ARNT2: variants seen among roughly 807,000 people sequenced by gnomAD.
The protein encoded by ARNT2 is ARNT protein 2.
ARNT2 carries 36 observed loss-of-function variants against 91.7 expected under a neutral mutation model. The ratio of observed to expected loss-of-function variants is 0.39; its 90% CI spans 0.30 to 0.52. ARNT2 has a LOEUF of 0.52. Ranked by LOEUF, ARNT2 falls within the 20% of genes least tolerant of loss-of-function variation. The pLI is 0.72. For missense variants in ARNT2, 775 were observed against 939.3 expected (o/e 0.83, Z 2.29); for synonymous variants, 365 against 347.1 (o/e 1.05, Z -0.57).
At chr15:80,540,244 A>G (rs1897885167) in intron 8 of ARNT2, among the ~76,000 whole-genome samples, 1 of 152,188 alleles carries the variant, frequency 6.6e-6, no homozygotes, top group South Asian at 2.1e-4. Context: ...CTGTTTTCTG[A>G]ATAGTCGCAC....
chr15:80,552,587 C>T, intron 9 of ARNT2, 53 bp from the exon 10 acceptor site: 3 of 1,588,410 alleles, frequency 1.9e-6, no homozygotes, highest in Non-Finnish European at 2.6e-6. Context: ...CTGTCACCAT[C>T]TCCATCTCGT....
At chr15:80,581,210 T>C (rs1288017738) in intron 16 of ARNT2, 29 bp from the exon 17 acceptor site, 15 of 1,611,354 alleles carry the variant, frequency 9.3e-6, no homozygotes, top group Admixed American at 3.3e-5. Flanking sequence ...GGTGATGCTT[T>C]CCATCTCTTT....
intron 8 of ARNT2, among the ~76,000 whole-genome samples, chr15:80,517,120 C>G (rs1897449112): frequency 6.6e-6 from 1 of 151,842 alleles, no homozygotes; most frequent in African/African-American, 2.4e-5. Context: ...TTTAGTATTT[C>G]TTACAGGGCA....
intron 8 of ARNT2, among the ~76,000 whole-genome samples, chr15:80,547,059 C>G (rs997466411): frequency 1.3e-4 from 19 of 151,874 alleles, no homozygotes; most frequent in Non-Finnish European, 2.8e-4. Context: ...AGGTATAAAA[C>G]TCTGGGGAAT....
rs1287341487 is a variant in ARNT2 at position 80,591,358 on chromosome 15, C to T, written c.1919-210C>T. ...CATCCTCTCTGGCCAAGTACCTGCACCATTGGGCAAAGGGCTCCTGTGTCT... is the reference window on the plus strand; with the variant it reads ...CATCCTCTCTGGCCAAGTACCTGCATCATTGGGCAAAGGGCTCCTGTGTCT... On this transcript the variant is annotated intron_variant, in intron 17 of 18. Coordinates refer to ENST00000303329, the MANE Select transcript of ARNT2 (RefSeq NM_014862.4). The surrounding 1 kb of genome is among the most constrained non-coding windows in gnomAD (Gnocchi z 5.1). Among the ~76,000 whole-genome samples, 1 of 152,170 alleles carries T rather than the reference C, an allele frequency of 6.6e-6. No individual in the cohort carries two copies. Among genetic ancestry groups the T allele is most frequent in the Non-Finnish European group, 1.5e-5 (1 of 68,038 alleles).
chr15:80,485,956 G>A (rs865974417), intron 5 of ARNT2, among the ~76,000 whole-genome samples: 4 of 152,136 alleles, frequency 2.6e-5, no homozygotes, highest in African/African-American at 9.7e-5. Context: ...TAAAACAATG[G>A]GAATGTGTTA....
chr15:80,443,192 T>C (rs2141579644), intron 1 of ARNT2, among the ~76,000 whole-genome samples: 1 of 152,294 alleles, frequency 6.6e-6, no homozygotes, highest in East Asian at 1.9e-4. Flanking sequence ...GGACATAGCA[T>C]ATGCAAAGGT....
rs56726705 is a variant in ARNT2, at chr15:80,518,277, C to CTTTTTTTT, written c.877+3887_877+3894dup. Reference sequence around the variant, plus strand: ...CCGAAGAACTTTTTCTTTTTCTATTCTTTTTTTTTTTTTTTTTTTTTTGAG... The same window carrying CTTTTTTTT: ...CCGAAGAACTTTTTCTTTTTCTATTCTTTTTTTTTTTTTTTTTTTTTTTTTTTTTTGAG... On this transcript the variant is annotated intron_variant, in intron 8 of 18. Transcript: ENST00000303329. Among the ~76,000 whole-genome samples the CTTTTTTTT allele has an allele frequency of 1.3e-3, 112 of 89,368 alleles. 1 individual carries two copies. Among genetic ancestry groups the CTTTTTTTT allele is most frequent in the Middle Eastern group, 0.012 (1 of 84 alleles). 58.6% of individuals were successfully genotyped at this position (89,368 alleles called of 152,430 possible).
chr15:80,472,399 A>G (rs1042166975), intron 4 of ARNT2, among the ~76,000 whole-genome samples: 9 of 152,208 alleles, frequency 5.9e-5, no homozygotes, highest in African/African-American at 2.2e-4. Context: ...GCAGGAATGA[A>G]AAAGATTTTG....
At chr15:80,422,585 C>T (rs1386217427) in intron 1 of ARNT2, among the ~76,000 whole-genome samples, 2 of 152,146 alleles carry the variant, frequency 1.3e-5, no homozygotes, top group East Asian at 1.9e-4. Flanking sequence ...AGTAAGTGAC[C>T]GCAAATGGAA....
chr15:80,492,758 G>C (rs1897075227), intron 5 of ARNT2, among the ~76,000 whole-genome samples: 2 of 152,072 alleles, frequency 1.3e-5, no homozygotes, highest in Admixed American at 1.3e-4. Context: ...TTAATTCATT[G>C]ATTCAGTTTT....
chr15:80,495,462 A>G (rs1038707612), intron 5 of ARNT2, among the ~76,000 whole-genome samples: 1 of 152,224 alleles, frequency 6.6e-6, no homozygotes, highest in Non-Finnish European at 1.5e-5. Context: ...TGATATTCGT[A>G]TATTTAAACT....
At chr15:80,561,255 A>G (rs1898342663) in intron 11 of ARNT2, among the ~76,000 whole-genome samples, 2 of 152,072 alleles carry the variant, frequency 1.3e-5, no homozygotes, top group Non-Finnish European at 2.9e-5. Flanking sequence ...CTATGGTCAC[A>G]TTGTGATCTC....
At chr15:80,530,739 G>T (rs113831579) in intron 8 of ARNT2, among the ~76,000 whole-genome samples, 1,642 of 152,176 alleles carry the variant, frequency 0.011, 23 homozygotes, top group African/African-American at 0.038. Flanking sequence ...GCAAAGTGGG[G>T]GATCCATTTC....
At position 80,519,860 on chromosome 15, in the gene ARNT2, A is replaced by ATTT. The variant is rs539637778; in HGVS notation, c.877+5472_877+5474dup. Among the ~76,000 whole-genome samples the ATTT allele has an allele frequency of 2.1e-3, 248 of 119,280 alleles. 4 individuals carry two copies. The highest frequency in any genetic ancestry group is 0.011 in the South Asian group (37 of 3,464). The allele number at this position is 119,280 out of a possible 152,430, so 78.3% of individuals were successfully genotyped here. On this transcript the variant is annotated intron_variant, in intron 8 of 18. Coordinates refer to ENST00000303329, the MANE Select transcript of ARNT2 (RefSeq NM_014862.4). ...CCACCATGCCCGGCTAATTTTTTGT[A>ATTT]TTTTTTTTTTTTTTTTTTTACTAGA...
intron 2 of ARNT2, among the ~76,000 whole-genome samples, chr15:80,455,731 A>AT (rs1486103527): frequency 1.3e-5 from 2 of 152,118 alleles, no homozygotes; most frequent in Non-Finnish European, 2.9e-5. Flanking sequence ...AAGGCTGAGG[A>AT]CAGAGGGCTG....
At chr15:80,471,053 G>A (rs1003456637) in intron 4 of ARNT2, among the ~76,000 whole-genome samples, 1 of 152,168 alleles carries the variant, frequency 6.6e-6, no homozygotes, top group Non-Finnish European at 1.5e-5. Flanking sequence ...AATATAAATC[G>A]TTCTACATAA....
chr15:80,416,342 A>C (rs2141557550), intron 1 of ARNT2, among the ~76,000 whole-genome samples: 1 of 151,908 alleles, frequency 6.6e-6, no homozygotes, highest in Middle Eastern at 3.4e-3. Flanking sequence ...CTTGAGAATG[A>C]GTGGCATACA....
chr15:80,513,259 G>A lies in ARNT2; in HGVS notation c.726-652G>A, dbSNP rs1484570660. Among the ~76,000 whole-genome samples, 5 of 152,306 alleles carry A rather than the reference G, an allele frequency of 3.3e-5. No individual in the cohort carries two copies. In the South Asian group the frequency reaches 1.0e-3, roughly 32 times the overall value. ...GATCATTGTAAAGGGAGGCAGGAAA[G>A]GTTGTCCCAGAGTGTACAGTGTGAT... On this transcript the variant is annotated intron_variant, in intron 6 of 18. Coordinates refer to ENST00000303329, the MANE Select transcript of ARNT2 (RefSeq NM_014862.4).
Sources: allele counts gnomAD v4.1 joint callset (sites outside exome capture counted in the v4.1 genomes callset), GRCh38; gene constraint gnomAD v4.1.1; non-coding constraint Gnocchi (gnomAD v3.1); transcripts MANE v1.5; gene names NCBI Gene and HGNC (gene_info 2026-07-23, HGNC 2026-07-21).